The following MAGI2 variants were observed in gnomAD, a reference collection of about 807,000 sequenced individuals.
The protein encoded by MAGI2 is membrane-associated guanylate kinase, WW and PDZ domain-containing protein 2.
MAGI2 carries 35 observed loss-of-function variants against 133.3 expected under a neutral mutation model. The observed-to-expected ratio is 0.26, with a 90% confidence interval of 0.20 to 0.35. MAGI2 has a LOEUF of 0.35. Among genes scored for constraint, MAGI2 ranks in the 10% least tolerant of loss-of-function variants. MAGI2 has a pLI of 1.00. For synonymous variants in MAGI2, 729 were observed against 710.6 expected (o/e 1.03, Z -0.41); for missense variants, 1,636 against 1,863.4 (o/e 0.88, Z 2.25).
chr7:79,203,106 T>A (rs2129552056), intron 1 of MAGI2, among the ~76,000 whole-genome samples: 1 of 152,088 alleles, frequency 6.6e-6, no homozygotes, highest in South Asian at 2.1e-4. Flanking sequence ...CTTTTCTTCA[T>A]CTCCACACAC....
chr7:78,085,550 C>CACA (rs1554441619), intron 20 of MAGI2, among the ~76,000 whole-genome samples: 6,032 of 120,986 alleles, frequency 0.05, 161 homozygotes, highest in East Asian at 0.093. Flanking sequence ...AATAAAACTC[C>CACA]CACACACACA....
chr7:78,562,454 A>C (rs1388585377), intron 3 of MAGI2, among the ~76,000 whole-genome samples: 4 of 152,216 alleles, frequency 2.6e-5, no homozygotes, highest in Non-Finnish European at 4.4e-5. Context: ...GAATCCAAAC[A>C]GTAGGAAAGA....
At chr7:78,784,779 A>G (rs368951065) in intron 2 of MAGI2, among the ~76,000 whole-genome samples, 40 of 152,288 alleles carry the variant, frequency 2.6e-4, no homozygotes, top group African/African-American at 8.9e-4. Flanking sequence ...GGTCTTTCTG[A>G]TGGCTGCTGT....
Position 78,582,110 on chromosome 7 carries a change from C to A in MAGI2, c.538+45010G>T, listed in dbSNP as rs1261286080. On this transcript the variant is annotated intron_variant, in intron 3 of 21. Coordinates refer to ENST00000354212, the MANE Select transcript of MAGI2 (RefSeq NM_012301.4). Reference sequence around the variant, plus strand: ...TGTTGTTTTCTCAGATGCAAAGGTACCATGTTTTTGAGTAGTGTGTCCTGA... The same window carrying A: ...TGTTGTTTTCTCAGATGCAAAGGTAACATGTTTTTGAGTAGTGTGTCCTGA... 2.6e-5 allele frequency among the ~76,000 whole-genome samples: 4 copies of A among 152,228 alleles called. No individual in the cohort carries two copies. The East Asian group carries it at 5.8e-4, about 22-fold the overall frequency.
Position 79,063,822 on chromosome 7 carries a change from T to C in MAGI2, c.302-56616A>G, listed in dbSNP as rs115689840. On this transcript the variant is annotated intron_variant, in intron 1 of 21. Coordinates refer to ENST00000354212, the MANE Select transcript of MAGI2 (RefSeq NM_012301.4). ...ACATTTGCAAACAGACTAGATCTAC[T>C]TCAAAAAACAAACTTGAAATGATAA... Among the ~76,000 whole-genome samples the C allele has an allele frequency of 8.3e-4, 127 of 152,204 alleles. 1 individual carries two copies. The highest frequency in any genetic ancestry group is 1.9e-3 in the African/African-American group (81 of 41,554).
chr7:78,171,915 A>G (rs962438722), intron 14 of MAGI2, among the ~76,000 whole-genome samples: 5 of 150,160 alleles, frequency 3.3e-5, no homozygotes, highest in African/African-American at 1.2e-4. Context: ...TTTTTTCCCT[A>G]TCCCCATTGT....
At chr7:79,028,253 A>G (rs866761920) in intron 1 of MAGI2, among the ~76,000 whole-genome samples, 1 of 23,658 alleles carries the variant, frequency 4.2e-5, no homozygotes, top group East Asian at 1.4e-3. Context: ...ATATATATAT[A>G]TATATATATA....
At chr7:78,738,218 A>G (rs1822058361) in intron 2 of MAGI2, among the ~76,000 whole-genome samples, 1 of 152,142 alleles carries the variant, frequency 6.6e-6, no homozygotes, top group Admixed American at 6.5e-5. Flanking sequence ...TGTACCTGCA[A>G]GTTTTCTTGA....
intron 1 of MAGI2, among the ~76,000 whole-genome samples, chr7:79,175,486 T>C (rs903644114): frequency 6.6e-6 from 1 of 151,930 alleles, no homozygotes; most frequent in Non-Finnish European, 1.5e-5. Flanking sequence ...GTTGTCCCTA[T>C]CTAAATTGGT....
At chr7:79,132,766 A>G (rs191544035) in intron 1 of MAGI2, among the ~76,000 whole-genome samples, 16 of 152,246 alleles carry the variant, frequency 1.1e-4, no homozygotes, top group Admixed American at 1.0e-3. Flanking sequence ...ATTCCCAACC[A>G]ACAGTGTATA....
rs112579239 is a variant in MAGI2, at chr7:78,570,383, C to T, written c.539-48738G>A. On this transcript the variant is annotated intron_variant, in intron 3 of 21. Transcript: ENST00000354212. Reference sequence around the variant, plus strand: ...AGACAGACCAGGGTTCCTAAAGTAGCGTGGGGAACATTAATTCTTAAGATA... The same window carrying T: ...AGACAGACCAGGGTTCCTAAAGTAGTGTGGGGAACATTAATTCTTAAGATA... Among the ~76,000 whole-genome samples, 56 of 151,954 alleles carry T rather than the reference C, an allele frequency of 3.7e-4. 2 individuals are homozygous for T. In the South Asian group the frequency reaches 7.3e-3, roughly 20 times the overall value.
In MAGI2 at chr7:78,127,266, G is replaced by C. The variant is rs375792764; in HGVS notation, c.3354C>G (p.Pro1118=). The change falls in exon 19 of 22, where the codon CCC becomes CCG. Residue 1118 remains proline (P), a synonymous_variant. Coordinates refer to ENST00000354212, the MANE Select transcript of MAGI2 (RefSeq NM_012301.4). The part of the protein sequence containing the change: ...QPPPLDYRQP[P]LLDYRQHSPD... ...GGGAGTGCTGCCTGTAGTCCAGTAG[G>C]GGAGGCTGCCTGTAGTCCAAGGGTG... The C allele has an allele frequency of 1.1e-5, 18 of 1,609,720 alleles. No homozygotes were observed. The highest frequency in any genetic ancestry group is 8.5e-7 in the Non-Finnish European group (1 of 1,177,802).
chr7:78,907,898 T>C (rs1356716140), intron 2 of MAGI2, among the ~76,000 whole-genome samples: 1 of 152,200 alleles, frequency 6.6e-6, no homozygotes, highest in Non-Finnish European at 1.5e-5. Context: ...TATTTAACTA[T>C]TTAAAGCACT....
chr7:79,049,690 T>C (rs766260182), intron 1 of MAGI2, among the ~76,000 whole-genome samples: 1 of 152,108 alleles, frequency 6.6e-6, no homozygotes, highest in Non-Finnish European at 1.5e-5. Flanking sequence ...TTATGTTTTT[T>C]ATTCCTTACT....
chr7:79,061,560 A>C (rs1053466429), intron 1 of MAGI2, among the ~76,000 whole-genome samples: 1 of 152,036 alleles, frequency 6.6e-6, no homozygotes, highest in South Asian at 2.1e-4. Context: ...TTTTGAGGCA[A>C]TACTGAAAAA....
intron 2 of MAGI2, among the ~76,000 whole-genome samples, chr7:78,802,566 G>A (rs1387882229): frequency 6.6e-6 from 1 of 152,110 alleles, no homozygotes; most frequent in Non-Finnish European, 1.5e-5. Flanking sequence ...CACAGGAGTG[G>A]AGCACGGAGG....
intron 2 of MAGI2, among the ~76,000 whole-genome samples, chr7:78,999,242 G>T (rs1338745196): frequency 6.6e-6 from 1 of 151,518 alleles, no homozygotes; most frequent in Non-Finnish European, 1.5e-5. Flanking sequence ...TCAAGTCAGG[G>T]CAAAGGGAAT....
At chr7:79,214,915 A>G (rs1829895151) in intron 1 of MAGI2, among the ~76,000 whole-genome samples, 1 of 146,658 alleles carries the variant, frequency 6.8e-6, no homozygotes, top group Non-Finnish European at 1.5e-5. Flanking sequence ...ATATATATTT[A>G]TAAATTTCTA....
At chr7:78,282,462 C>G (rs140242094) in intron 9 of MAGI2, among the ~76,000 whole-genome samples, 115 of 152,228 alleles carry the variant, frequency 7.6e-4, no homozygotes, top group African/African-American at 2.1e-3. Flanking sequence ...TGGTTTTGTG[C>G]TACAACAGCA....
Sources: gnomAD v4.1 joint callset for allele counts (sites outside exome capture counted in the v4.1 genomes callset) on GRCh38, gnomAD v4.1.1 for gene constraint, MANE v1.5 for transcripts, NCBI Gene and HGNC (gene_info 2026-07-23, HGNC 2026-07-21) for gene names.